Variants in ACTR3C observed in about 807,000 individuals in gnomAD.
ACTR3C encodes the protein actin-related protein 3C.
A neutral mutation model predicts 26.3 loss-of-function variants in ACTR3C; 18 were observed. The observed-to-expected ratio is 0.68, with a 90% CI of 0.47 to 1.01. The LOEUF is 1.01. Among genes scored for constraint, ACTR3C ranks in the 50% least tolerant of loss-of-function variants. The probability of loss-of-function intolerance (pLI) is 0.00; values close to 1 mark genes in which losing one functional copy is unlikely to be tolerated. For missense variants in ACTR3C, 184 were observed against 250.7 expected (o/e 0.73, Z 1.80); for synonymous variants, 55 against 94.5 (o/e 0.58, Z 2.42).
chr7:149,930,421 A>C, the ACTR3C span, among the ~76,000 whole-genome samples: 1 of 152,170 alleles, frequency 6.6e-6, no homozygotes, highest in Non-Finnish European at 1.5e-5. Flanking sequence ...GCAAATGTTA[A>C]CAGTTGGTAA....
chr7:149,965,039 CT>C, the ACTR3C span, among the ~76,000 whole-genome samples: 1 of 151,784 alleles, frequency 6.6e-6, no homozygotes, highest in Non-Finnish European at 1.5e-5. Flanking sequence ...TATCCAAGTC[CT>C]TTTTGTATTT....
chr7:149,984,583 A>G, the ACTR3C span, among the ~76,000 whole-genome samples: 1 of 151,170 alleles, frequency 6.6e-6, no homozygotes, highest in African/African-American at 2.5e-5. Context: ...TTGATAATGT[A>G]ATAGTTGATC....
the ACTR3C span, among the ~76,000 whole-genome samples, chr7:150,035,653 T>C: frequency 3.4e-3 from 444 of 129,028 alleles, 51 homozygotes; most frequent in Middle Eastern, 0.021. Context: ...CAACTAACAC[T>C]CGCAGTCCTC....
the ACTR3C span, among the ~76,000 whole-genome samples, chr7:150,127,932 G>A: frequency 6.6e-6 from 1 of 151,298 alleles, no homozygotes; most frequent in Non-Finnish European, 1.5e-5. Context: ...TCTTCACGTG[G>A]TCTATTTTAT....
chr7:150,136,707 A>G, the ACTR3C span, among the ~76,000 whole-genome samples: 1 of 137,204 alleles, frequency 7.3e-6, no homozygotes, highest in Non-Finnish European at 1.5e-5. Context: ...AATAAATGGT[A>G]AAAAGACCTG....
chr7:149,978,559 T>C, the ACTR3C span, among the ~76,000 whole-genome samples: 11 of 152,246 alleles, frequency 7.2e-5, no homozygotes, highest in Admixed American at 1.3e-4. Context: ...ATCTCAGATA[T>C]GAAGCTGAAG....
the ACTR3C span, among the ~76,000 whole-genome samples, chr7:150,045,310 T>A: frequency 6.6e-6 from 1 of 152,282 alleles, no homozygotes; most frequent in Non-Finnish European, 1.5e-5. Context: ...GGGGCATAAC[T>A]TTTCCAATTC....
the ACTR3C span, among the ~76,000 whole-genome samples, chr7:150,023,340 TATATATTTTAGAG>T: frequency 1.9e-4 from 18 of 93,516 alleles, no homozygotes; most frequent in Admixed American, 3.7e-4. Context: ...CATACATACA[TATATATTTTAGAG>T]ACAGAGTTTC....
At chr7:150,178,862 A>C in the ACTR3C span, among the ~76,000 whole-genome samples, 2 of 150,924 alleles carry the variant, frequency 1.3e-5, no homozygotes, top group South Asian at 4.1e-4. Context: ...CTTTTTATCC[A>C]ACTCTTTCTT....
chr7:150,161,979 G>C, the ACTR3C span, among the ~76,000 whole-genome samples: 104 of 152,218 alleles, frequency 6.8e-4, 1 homozygote, highest in Admixed American at 2.7e-3. Flanking sequence ...ATTTTATCAA[G>C]TCTAAAATGT....
At chr7:149,960,862 A>T in the ACTR3C span, among the ~76,000 whole-genome samples, 2 of 152,248 alleles carry the variant, frequency 1.3e-5, no homozygotes, top group East Asian at 3.8e-4. Context: ...AAGAGTGATT[A>T]TGCAGGTGAG....
At chr7:150,136,089 A>G in the ACTR3C span, among the ~76,000 whole-genome samples, 1 of 152,074 alleles carries the variant, frequency 6.6e-6, no homozygotes, top group Admixed American at 6.5e-5. Flanking sequence ...GAGACCTCTG[A>G]GCAGCTGTCA....
intron 1 of ACTR3C, among the ~76,000 whole-genome samples, chr7:150,301,616 T>A (rs1231029631): frequency 6.6e-6 from 1 of 152,036 alleles, no homozygotes; most frequent in East Asian, 1.9e-4. Flanking sequence ...CAAAAGAAGC[T>A]TTCTATCTTA....
At chr7:150,205,188 G>A in the ACTR3C span, among the ~76,000 whole-genome samples, 2 of 152,146 alleles carry the variant, frequency 1.3e-5, no homozygotes, top group Admixed American at 1.3e-4. Flanking sequence ...AGGGACAGCT[G>A]GAGAAAAGAA....
At chr7:150,037,941 G>T in the ACTR3C span, among the ~76,000 whole-genome samples, 3 of 138,418 alleles carry the variant, frequency 2.2e-5, 1 homozygote, top group African/African-American at 8.2e-5. Flanking sequence ...CCCCCCCTGC[G>T]ATGGCGGTGC....
chr7:150,296,356 GAA>G (rs545659816), intron 1 of ACTR3C, among the ~76,000 whole-genome samples: 1 of 134,146 alleles, frequency 7.5e-6, no homozygotes, highest in African/African-American at 3.1e-5. Flanking sequence ...CCAAAAGACC[GAA>G]AAAAAAAAAT....
At chr7:149,981,983 C>A in the ACTR3C span, among the ~76,000 whole-genome samples, 6 of 152,220 alleles carry the variant, frequency 3.9e-5, no homozygotes, top group African/African-American at 1.4e-4. Flanking sequence ...GAATGAGACC[C>A]ATGGCTACAG....
At chr7:150,203,854 A>G in the ACTR3C span, among the ~76,000 whole-genome samples, 1 of 152,208 alleles carries the variant, frequency 6.6e-6, no homozygotes, top group African/African-American at 2.4e-5. Context: ...GGCATGAGCC[A>G]CCACACCACA....
the ACTR3C span, among the ~76,000 whole-genome samples, chr7:149,888,200 A>C: frequency 7.3e-6 from 1 of 136,646 alleles, no homozygotes; most frequent in Non-Finnish European, 1.6e-5. Context: ...TTAGTGACAT[A>C]CACTTTCTTT....
Sources: gnomAD v4.1 joint callset for allele counts (sites outside exome capture counted in the v4.1 genomes callset) on GRCh38, gnomAD v4.1.1 for gene constraint, MANE v1.5 for transcripts, NCBI Gene and HGNC (gene_info 2026-07-23, HGNC 2026-07-21) for gene names.